UVRAG: variants seen among roughly 807,000 people sequenced by gnomAD.
The protein encoded by UVRAG is UV radiation resistance associated.
A neutral mutation model predicts 78.0 loss-of-function variants in UVRAG; 19 were observed. The observed-to-expected ratio is 0.24, with a 90% CI of 0.17 to 0.36. The LOEUF (loss-of-function observed/expected upper bound fraction) is 0.36, where lower values mean the gene tolerates loss of function less well. UVRAG is among the 10% of genes least tolerant of loss of function. The pLI, the probability that UVRAG is intolerant of heterozygous loss-of-function variation, is 1.00. For missense variants in UVRAG, 740 were observed against 853.8 expected, an observed-to-expected ratio of 0.87 and a Z score of 1.66; for synonymous variants, 323 against 324.6, an observed-to-expected ratio of 1.00 and a Z score of 0.05.
At chr11:76,001,513 T>C (rs1379600907) in intron 8 of UVRAG, among the ~76,000 whole-genome samples, 1 of 152,174 alleles carries the variant, frequency 6.6e-6, no homozygotes, top group Non-Finnish European at 1.5e-5. Context: ...AACCAAAAGG[T>C]AGTTCCTTGA....
rs201292983 is a variant in UVRAG at position 75,998,511 on chromosome 11, GA to G, written c.827-5485del. On this transcript the variant is annotated intron_variant, in intron 8 of 14. Transcript: ENST00000356136. ...GTTTCACTTCTACCCTGAGAATAAAGAAAAAAAAACACTGGATAATATACAA... is the reference window on the plus strand; with the variant it reads ...GTTTCACTTCTACCCTGAGAATAAAGAAAAAAAACACTGGATAATATACAA... 4.0e-5 allele frequency among the ~76,000 whole-genome samples: 6 copies of G among 149,826 alleles called. 1 individual carries two copies. Among genetic ancestry groups the G allele is most frequent in the South Asian group, 2.1e-4 (1 of 4,736 alleles).
intron 14 of UVRAG, among the ~76,000 whole-genome samples, chr11:76,136,904 T>C (rs1952606958): frequency 6.6e-6 from 1 of 152,234 alleles, no homozygotes; most frequent in South Asian, 2.1e-4. Context: ...CTTGTGAGTT[T>C]TTATTTTTTT....
At chr11:75,829,034 G>C (rs1248872061) in intron 1 of UVRAG, among the ~76,000 whole-genome samples, 1 of 151,744 alleles carries the variant, frequency 6.6e-6, no homozygotes, top group Non-Finnish European at 1.5e-5. Flanking sequence ...CTGGTTATTA[G>C]ATGAGGACAC....
At chr11:75,940,642 G>T (rs1948466447) in intron 6 of UVRAG, among the ~76,000 whole-genome samples, 1 of 152,180 alleles carries the variant, frequency 6.6e-6, no homozygotes, top group Admixed American at 6.5e-5. Context: ...TATGTAGGTT[G>T]TAAGGGGATA....
intron 6 of UVRAG, chr11:75,914,130 G>GAGTCAGATGGGA (rs1274590864): frequency 6.6e-6 from 1 of 152,224 alleles, no homozygotes; most frequent in African/African-American, 2.4e-5. Flanking sequence ...TAAAGTTGAT[G>GAGTCAGATGGGA]AGTCAGATGG....
At chr11:76,030,235 G>A (rs973806072) in intron 12 of UVRAG, among the ~76,000 whole-genome samples, 2 of 151,812 alleles carry the variant, frequency 1.3e-5, no homozygotes, top group African/African-American at 4.8e-5. Context: ...GTGCCGCTAT[G>A]TTGACCAGGC....
intron 2 of UVRAG, among the ~76,000 whole-genome samples, chr11:75,852,809 G>A (rs1381821996): frequency 1.3e-5 from 2 of 152,152 alleles, no homozygotes; most frequent in Non-Finnish European, 2.9e-5. Flanking sequence ...TGTGATTAAA[G>A]ATCTATTTAT....
chr11:76,142,233 T>C lies in UVRAG; in HGVS notation c.*820T>C, dbSNP rs373834172. The C allele has an allele frequency of 4.6e-5, 7 of 152,338 alleles. No homozygotes were observed. In the East Asian group the frequency reaches 1.3e-3, roughly 29 times the overall value. The allele number at this position is 152,338 out of a possible 1,614,324, so 9.4% of individuals were successfully genotyped here. Reference sequence around the variant, plus strand: ...CATCCCCTGTGGGGGCCAAAGTTTTTATGTGGGCAGATGCTGTGGTCAGGA... The same window carrying C: ...CATCCCCTGTGGGGGCCAAAGTTTTCATGTGGGCAGATGCTGTGGTCAGGA... On this transcript the variant is annotated 3_prime_UTR_variant, in exon 15 of 15. Coordinates refer to ENST00000356136, the MANE Select transcript of UVRAG (RefSeq NM_003369.4).
chr11:76,058,681 G>A (rs1376271568), intron 12 of UVRAG, among the ~76,000 whole-genome samples: 3 of 152,136 alleles, frequency 2.0e-5, no homozygotes, highest in African/African-American at 4.8e-5. Flanking sequence ...CATGAAATGT[G>A]GGAAAATTAA....
chr11:75,967,349 T>C (rs1405624583), intron 7 of UVRAG, among the ~76,000 whole-genome samples: 1 of 152,238 alleles, frequency 6.6e-6, no homozygotes, highest in African/African-American at 2.4e-5. Flanking sequence ...GTGAAATTAA[T>C]GGATAGGAAA....
At chr11:76,117,427 C>T (rs1952201576) in intron 14 of UVRAG, among the ~76,000 whole-genome samples, 2 of 152,118 alleles carry the variant, frequency 1.3e-5, no homozygotes, top group African/African-American at 4.8e-5. Context: ...GATCCATTTC[C>T]AGGATCCCTA....
intron 5 of UVRAG, among the ~76,000 whole-genome samples, chr11:75,897,234 T>C (rs1488536970): frequency 6.6e-6 from 1 of 152,200 alleles, no homozygotes; most frequent in Non-Finnish European, 1.5e-5. Context: ...GGATCTGTTT[T>C]GAAAGCCTGA....
rs370420603 is a variant in UVRAG, at chr11:75,938,280, G to T, written c.594-23164G>T. ...GCTTTTAAACATATAAATTATAGTT[G>T]TAATAACTGTTTTAATGGCCCTATC... On this transcript the variant is annotated intron_variant, in intron 6 of 14. Coordinates refer to ENST00000356136, the MANE Select transcript of UVRAG (RefSeq NM_003369.4). Among the ~76,000 whole-genome samples the T allele has an allele frequency of 2.6e-5, 4 of 152,064 alleles. No homozygotes were observed. The East Asian group carries it at 5.8e-4, about 22-fold the overall frequency.
At chr11:75,849,199 G>C (rs1403675252) in intron 1 of UVRAG, among the ~76,000 whole-genome samples, 1 of 144,982 alleles carries the variant, frequency 6.9e-6, no homozygotes, top group East Asian at 2.1e-4. Context: ...AAAAAATGTT[G>C]AGATAAAGAA....
chr11:75,930,632 A>T (rs879443344), intron 6 of UVRAG, among the ~76,000 whole-genome samples: 2 of 152,256 alleles, frequency 1.3e-5, no homozygotes, highest in Admixed American at 1.3e-4. Flanking sequence ...TGTCCCCTGT[A>T]GCCTTGGAGA....
At chr11:76,112,440 T>G (rs150279259) in intron 13 of UVRAG, among the ~76,000 whole-genome samples, 283 of 152,252 alleles carry the variant, frequency 1.9e-3, no homozygotes, top group Non-Finnish European at 3.3e-3. Context: ...AGAAAGATAT[T>G]ATAGGATACA....
intron 6 of UVRAG, among the ~76,000 whole-genome samples, chr11:75,937,108 G>A (rs1227790815): frequency 3.9e-5 from 6 of 152,306 alleles, no homozygotes; most frequent in South Asian, 4.2e-4. Context: ...GGTGGCTCAC[G>A]CCTGTAATCC....
In UVRAG at chr11:75,911,997, A is replaced by G. The variant is rs774257683; in HGVS notation, c.551A>G (p.Gln184Arg). The change falls in exon 6 of 15, where the codon CAG (glutamine) becomes CGG (arginine). Residue 184 changes from glutamine to arginine, a missense_variant. By Grantham distance (43) the Gln-to-Arg change is conservative (BLOSUM62 1). Transcript: ENST00000356136. ...AAGACTATTCTTCTGCAGGTGGATC[A>G]GAACTGTGTTCGCAATTCTTACGAT... ...AQKTILLQVD[Q>R]NCVRNSYDVF... The G allele has an allele frequency of 1.2e-6, 2 of 1,613,596 alleles. No individual in the cohort carries two copies. Among genetic ancestry groups the G allele is most frequent in the South Asian group, 2.2e-5 (2 of 91,062 alleles).
chr11:76,049,746 A>T (rs1317924354), intron 12 of UVRAG, among the ~76,000 whole-genome samples: 1 of 152,258 alleles, frequency 6.6e-6, no homozygotes, highest in African/African-American at 2.4e-5. Flanking sequence ...ATACAGCATC[A>T]GTAAGGACTT....
Sources: allele counts gnomAD v4.1 joint callset (sites outside exome capture counted in the v4.1 genomes callset), GRCh38; gene constraint gnomAD v4.1.1; transcripts MANE v1.5; gene names NCBI Gene and HGNC (gene_info 2026-07-23, HGNC 2026-07-21).